Variants in ERI3 observed in about 807,000 individuals in gnomAD.
The protein encoded by ERI3 is ERI1 exoribonuclease family member 3.
ERI3 carries 18 observed loss-of-function variants against 44.4 expected under a neutral mutation model. That is an observed-to-expected ratio of 0.41 (90% CI 0.28 to 0.60). The LOEUF (loss-of-function observed/expected upper bound fraction) is 0.60. Among genes scored for constraint, ERI3 ranks in the 20% least tolerant of loss-of-function variants. The probability of loss-of-function intolerance (pLI) is 0.36; values close to 1 mark genes in which losing one functional copy is unlikely to be tolerated. For synonymous variants in ERI3, 183 were observed against 164.8 expected, an observed-to-expected ratio of 1.11 and a Z score of -0.84; for missense variants, 294 against 435.5, an observed-to-expected ratio of 0.68 and a Z score of 2.89.
At chr1:44,354,191 T>G in intron 1 of ERI3, 1 of 985,444 alleles carries the variant, frequency 1.0e-6, no homozygotes, top group Non-Finnish European at 1.2e-6. Flanking sequence ...CCAATAGGAT[T>G]CATGTTTTGC....
intron 7 of ERI3, among the ~76,000 whole-genome samples, chr1:44,269,906 T>G (rs917903963): frequency 7.2e-5 from 11 of 152,202 alleles, no homozygotes; most frequent in Non-Finnish European, 1.5e-5. Context: ...GAGGATTAAA[T>G]GCAATCATGT....
intron 2 of ERI3, among the ~76,000 whole-genome samples, 181 bp from the exon 3 acceptor site, chr1:44,339,503 C>T (rs1218083903): frequency 6.6e-6 from 1 of 151,924 alleles, no homozygotes; most frequent in African/African-American, 2.4e-5. Flanking sequence ...TCATAGTATT[C>T]GTTACTAAAG....
chr1:44,272,225 A>T (rs1339189117), intron 7 of ERI3, among the ~76,000 whole-genome samples: 1 of 152,250 alleles, frequency 6.6e-6, no homozygotes. Flanking sequence ...CCCCACAGTT[A>T]GTAAGTGTAG....
chr1:44,310,963 GCACA>G (rs58344074), intron 5 of ERI3, among the ~76,000 whole-genome samples: 19,951 of 122,068 alleles, frequency 0.16, 1,875 homozygotes, highest in Admixed American at 0.22. Flanking sequence ...GCGCGCGCGC[GCACA>G]CACACACACA....
At chr1:44,302,794 A>G (rs985519315) in intron 6 of ERI3, among the ~76,000 whole-genome samples, 5 of 152,218 alleles carry the variant, frequency 3.3e-5, no homozygotes, top group Non-Finnish European at 7.3e-5. Context: ...ACCACAGCCC[A>G]TGAAGGAGGA....
chr1:44,343,853 T>C (rs1322122271), intron 2 of ERI3, among the ~76,000 whole-genome samples: 1 of 152,184 alleles, frequency 6.6e-6, no homozygotes, highest in Non-Finnish European at 1.5e-5. Flanking sequence ...GTCGGCAACT[T>C]AACCCTCAAA....
At chr1:44,341,242 T>C (rs770511932) in intron 2 of ERI3, among the ~76,000 whole-genome samples, 2 of 152,224 alleles carry the variant, frequency 1.3e-5, no homozygotes, top group Non-Finnish European at 2.9e-5. Context: ...ATTCCTCATC[T>C]GTAAAATGAC....
At position 44,221,704 on chromosome 1, in the gene ERI3, C is replaced by A. The variant is rs1055377851; in HGVS notation, c.932-64G>T. 1.2e-5 allele frequency: 16 copies of A among 1,358,138 alleles called. No individual in the cohort carries two copies. Among genetic ancestry groups the A allele is most frequent in the Non-Finnish European group, 1.7e-5 (16 of 949,552 alleles). 84.1% of individuals were successfully genotyped at this position (1,358,138 alleles called of 1,614,324 possible). A position where few individuals can be genotyped will look rare whatever the true frequency, so the allele number is the denominator to read the frequency against. ...CTTCCCCTCCATGCCCACAGGTGCT[C>A]TTACAAGGGTGGGGGTGGGAAGCAG... On this transcript the variant is annotated intron_variant, in intron 8 of 8. Coordinates refer to ENST00000372257, the MANE Select transcript of ERI3 (RefSeq NM_024066.3). This position sits in a 1 kb window ranked among gnomAD's most constrained non-coding sequence, Gnocchi z 5.9.
At position 44,256,052 on chromosome 1, in the gene ERI3, T is replaced by C. The variant is rs531703623; in HGVS notation, c.832-8014A>G. ...ACATGGATTTTGTCTCCCATTATGC[T>C]GAGAGGTTCCTGAGGGGGTTGGGGG... is the stretch of plus-strand genomic sequence containing the variant. On this transcript the variant is annotated intron_variant, in intron 7 of 8. Transcript: ENST00000372257. 3.3e-5 allele frequency among the ~76,000 whole-genome samples: 5 copies of C among 152,290 alleles called. No individual in the cohort carries two copies. In the East Asian group the frequency reaches 9.6e-4, roughly 29 times the overall value.
At chr1:44,327,335 G>A (rs1453282432) in intron 3 of ERI3, among the ~76,000 whole-genome samples, 2 of 152,202 alleles carry the variant, frequency 1.3e-5, no homozygotes, top group South Asian at 2.1e-4. Context: ...CAGAGAAGCA[G>A]GGCCTGCCTC....
chr1:44,316,545 A>G (rs1646091828), intron 4 of ERI3, among the ~76,000 whole-genome samples: 1 of 152,224 alleles, frequency 6.6e-6, no homozygotes, highest in African/African-American at 2.4e-5. Context: ...ATAGCATGTC[A>G]GCATCCAGTG....
intron 8 of ERI3, among the ~76,000 whole-genome samples, chr1:44,231,740 T>A (rs955695449): frequency 1.2e-4 from 19 of 152,190 alleles, no homozygotes; most frequent in African/African-American, 4.6e-4. Context: ...TAATCCTCTG[T>A]GGTCTGAGTC....
intron 2 of ERI3, among the ~76,000 whole-genome samples, chr1:44,344,890 G>T (rs918955625): frequency 3.9e-5 from 6 of 152,200 alleles, no homozygotes; most frequent in African/African-American, 1.4e-4. Context: ...AGTGGGGACA[G>T]GGGAGGGGTA....
intron 3 of ERI3, among the ~76,000 whole-genome samples, chr1:44,333,335 G>T (rs1038715869): frequency 6.6e-6 from 1 of 152,220 alleles, no homozygotes; most frequent in Non-Finnish European, 1.5e-5. Context: ...GCCTTCGCCT[G>T]TCTGTACAGA....
chr1:44,350,776 T>C (rs1290345099), intron 2 of ERI3, among the ~76,000 whole-genome samples: 2 of 151,982 alleles, frequency 1.3e-5, no homozygotes, highest in African/African-American at 4.8e-5. Flanking sequence ...TTTTTGGTTT[T>C]TTTGTAGAGT....
intron 6 of ERI3, among the ~76,000 whole-genome samples, chr1:44,305,165 A>G (rs1245031436): frequency 6.6e-6 from 1 of 152,056 alleles, no homozygotes; most frequent in Non-Finnish European, 1.5e-5. Context: ...CTCACGGCCC[A>G]CTGGGAAAGC....
At position 44,221,570 on chromosome 1, in the gene ERI3, C is replaced by T. The variant is rs200070888; in HGVS notation, c.1002G>A (p.Ser334=). ...TGTCCTCGGCCAATCAGAACGGCTT[C>T]GATGTCTGCTTGAAGATGAAGCCTC... ...AYRGFIFKQT[S]KPF The change falls in exon 9 of 9, where the codon TCG becomes TCA. Residue 334 remains serine (S), a synonymous_variant. Transcript: ENST00000372257. This position sits in a 1 kb window ranked among gnomAD's most constrained non-coding sequence, Gnocchi z 5.9. 353 of 1,614,090 alleles carry T rather than the reference C, an allele frequency of 2.2e-4. No individual in the cohort carries two copies. Among genetic ancestry groups the T allele is most frequent in the Non-Finnish European group, 2.5e-4 (291 of 1,179,946 alleles).
intron 3 of ERI3, among the ~76,000 whole-genome samples, chr1:44,335,799 C>G (rs1036497085): frequency 6.7e-6 from 1 of 149,064 alleles, no homozygotes; most frequent in African/African-American, 2.5e-5. Flanking sequence ...AAAAAAGAAT[C>G]AAAGAATCTC....
At chr1:44,321,610 G>C (rs1220752973) in intron 3 of ERI3, among the ~76,000 whole-genome samples, 1 of 152,194 alleles carries the variant, frequency 6.6e-6, no homozygotes, top group Non-Finnish European at 1.5e-5. Context: ...TGTTGCCCAT[G>C]AATCAGGCTC....
Sources: allele counts gnomAD v4.1 joint callset (sites outside exome capture counted in the v4.1 genomes callset), GRCh38; gene constraint gnomAD v4.1.1; non-coding constraint Gnocchi (gnomAD v3.1); transcripts MANE v1.5; gene names NCBI Gene and HGNC (gene_info 2026-07-23, HGNC 2026-07-21).